Variants in NRXN3 observed in about 807,000 individuals in gnomAD.
The protein encoded by NRXN3 is neurexin III.
In NRXN3, 32 loss-of-function variants were observed where a neutral mutation model predicts 137.6. The observed-to-expected ratio is 0.23, with a 90% CI of 0.18 to 0.31. The LOEUF is 0.31. Ranked by LOEUF, NRXN3 falls within the 10% of genes least tolerant of loss-of-function variation. The probability of loss-of-function intolerance (pLI) is 1.00; values close to 1 mark genes in which losing one functional copy is unlikely to be tolerated. For synonymous variants in NRXN3, 798 were observed against 784.5 expected (o/e 1.02, Z -0.29); for missense variants, 1,574 against 2,062.5 (o/e 0.76, Z 4.59).
chr14:78,921,617 G>A (rs1305909642), intron 10 of NRXN3, among the ~76,000 whole-genome samples: 1 of 152,146 alleles, frequency 6.6e-6, no homozygotes, highest in African/African-American at 2.4e-5. Context: ...ACAGGATAGG[G>A]TGCTAGGTGG....
At chr14:78,905,074 T>A (rs1188863802) in intron 10 of NRXN3, among the ~76,000 whole-genome samples, 3 of 152,048 alleles carry the variant, frequency 2.0e-5, no homozygotes, top group African/African-American at 7.2e-5. Context: ...CAGTGTGGAT[T>A]GCATCTTGTG....
chr14:79,029,632 A>G (rs374135052), intron 15 of NRXN3, among the ~76,000 whole-genome samples: 1 of 152,112 alleles, frequency 6.6e-6, no homozygotes, highest in African/African-American at 2.4e-5. Flanking sequence ...ACTATGCATT[A>G]TAGGATATTT....
chr14:78,744,994 C>T (rs1291740828), intron 8 of NRXN3: 3 of 152,158 alleles, frequency 2.0e-5, no homozygotes, highest in African/African-American at 7.2e-5. Flanking sequence ...ACCTCCCAGG[C>T]ATTGATCCAG....
intron 11 of NRXN3, among the ~76,000 whole-genome samples, chr14:78,959,637 G>T (rs1157138192): frequency 6.6e-6 from 1 of 152,122 alleles, no homozygotes; most frequent in Non-Finnish European, 1.5e-5. Flanking sequence ...GAAGCGGGAG[G>T]TGAAGTTCCT....
chr14:78,658,675 G>A (rs922091606), intron 6 of NRXN3, among the ~76,000 whole-genome samples: 1 of 152,190 alleles, frequency 6.6e-6, no homozygotes, highest in Non-Finnish European at 1.5e-5. Context: ...TAATCCAAAT[G>A]CACACTACTG....
chr14:78,596,087 G>A (rs2097155740), intron 4 of NRXN3, among the ~76,000 whole-genome samples: 2 of 152,172 alleles, frequency 1.3e-5, no homozygotes, highest in East Asian at 1.9e-4. Context: ...GGCCCCAGAT[G>A]TCAATAGTGC....
At chr14:78,340,548 A>G (rs1164297149) in intron 4 of NRXN3, among the ~76,000 whole-genome samples, 3 of 152,122 alleles carry the variant, frequency 2.0e-5, no homozygotes, top group African/African-American at 4.8e-5. Flanking sequence ...TCACACATCC[A>G]GGGCCTTAGT....
At chr14:79,248,475 A>G in intron 15 of NRXN3, 1 of 152,454 alleles carries the variant, frequency 6.6e-6, no homozygotes, top group African/African-American at 2.4e-5. Flanking sequence ...TCTGAAATAT[A>G]CCTCTGGCCC....
chr14:79,813,144 C>T (rs546213534), intron 20 of NRXN3, among the ~76,000 whole-genome samples: 3 of 152,124 alleles, frequency 2.0e-5, no homozygotes, highest in Non-Finnish European at 4.4e-5. Flanking sequence ...GAAATTCACA[C>T]CATCATTCTT....
At chr14:79,070,439 C>A (rs1230898360) in intron 15 of NRXN3, among the ~76,000 whole-genome samples, 1 of 152,198 alleles carries the variant, frequency 6.6e-6, no homozygotes, top group East Asian at 1.9e-4. Context: ...AAACAAATCA[C>A]AGCTCCATGA....
intron 15 of NRXN3, among the ~76,000 whole-genome samples, chr14:79,425,571 T>C (rs2095643501): frequency 6.6e-6 from 1 of 152,188 alleles, no homozygotes; most frequent in Non-Finnish European, 1.5e-5. Flanking sequence ...TTTTCAATAA[T>C]CCTATGAATT....
chr14:78,633,260 A>G (rs867153905), intron 4 of NRXN3, among the ~76,000 whole-genome samples: 1 of 148,364 alleles, frequency 6.7e-6, no homozygotes, highest in Admixed American at 6.9e-5. Flanking sequence ...TCAAAAAAAA[A>G]AAAAAAAAGA....
rs73320486 is a variant in NRXN3, at chr14:78,497,030, G to A, written c.758-148090G>A. 2.7e-3 allele frequency among the ~76,000 whole-genome samples: 417 copies of A among 152,074 alleles called. 3 individuals are homozygous for A. Among genetic ancestry groups the A allele is most frequent in the African/African-American group, 9.3e-3 (387 of 41,510 alleles). ...TTCTTGCCCTATGATTCCAGTTTTC[G>A]ATAAGTTATGCCATCACTTGCTGCA... On this transcript the variant is annotated intron_variant, in intron 4 of 20. Transcript: ENST00000335750.
chr14:79,607,100 T>C (rs1369492441), intron 16 of NRXN3, among the ~76,000 whole-genome samples: 2 of 152,250 alleles, frequency 1.3e-5, no homozygotes, highest in Non-Finnish European at 2.9e-5. Flanking sequence ...GTATTTGTCC[T>C]GTGTCACAAT....
At chr14:78,928,191 G>A (rs1033473627) in intron 10 of NRXN3, among the ~76,000 whole-genome samples, 3 of 152,068 alleles carry the variant, frequency 2.0e-5, no homozygotes, top group African/African-American at 7.2e-5. Flanking sequence ...TAAATGACAT[G>A]CTCCCAAATC....
At chr14:78,563,396 G>T (rs143682109) in intron 4 of NRXN3, among the ~76,000 whole-genome samples, 2 of 152,180 alleles carry the variant, frequency 1.3e-5, no homozygotes, top group Admixed American at 6.5e-5. Flanking sequence ...GATGAAAAAC[G>T]TGGTTAATCT....
intron 19 of NRXN3, among the ~76,000 whole-genome samples, chr14:79,714,713 T>A (rs543153840): frequency 6.6e-6 from 1 of 152,296 alleles, no homozygotes; most frequent in African/African-American, 2.4e-5. Flanking sequence ...TGTGATTGTG[T>A]TTCTCTTTCT....
intron 4 of NRXN3, among the ~76,000 whole-genome samples, chr14:78,378,753 G>A (rs2088424987): frequency 6.6e-6 from 1 of 151,930 alleles, no homozygotes; most frequent in Non-Finnish European, 1.5e-5. Flanking sequence ...TCCAAAGAAA[G>A]CAGAAGAAAG....
At chr14:79,212,882 A>G (rs1464531678) in intron 15 of NRXN3, among the ~76,000 whole-genome samples, 1 of 151,642 alleles carries the variant, frequency 6.6e-6, no homozygotes, top group East Asian at 1.9e-4. Flanking sequence ...TTTTTTTTAG[A>G]AGCAACTTGA....
Sources: allele counts gnomAD v4.1 joint callset (sites outside exome capture counted in the v4.1 genomes callset), GRCh38; gene constraint gnomAD v4.1.1; transcripts MANE v1.5; gene names NCBI Gene and HGNC (gene_info 2026-07-23, HGNC 2026-07-21).